MMP27: variants seen among roughly 807,000 people sequenced by gnomAD.
The protein encoded by MMP27 is matrix metallopeptidase 27.
A neutral mutation model predicts 48.1 loss-of-function variants in MMP27; 51 were observed. The observed-to-expected ratio is 1.06, with a 90% confidence interval of 0.85 to 1.34. The LOEUF (loss-of-function observed/expected upper bound fraction) is 1.34. MMP27 is among the 40% of genes most tolerant of loss of function. MMP27 has a pLI of 0.00. For synonymous variants in MMP27, 229 were observed against 208.9 expected (o/e 1.10, Z -0.83); for missense variants, 698 against 619.3 (o/e 1.13, Z -1.35).
chr11:102,693,534 G>T (rs1159049523), intron 8 of MMP27, among the ~76,000 whole-genome samples: 1 of 152,126 alleles, frequency 6.6e-6, no homozygotes, highest in Non-Finnish European at 1.5e-5. Flanking sequence ...TGTAATCCCA[G>T]CACTTTGAGA....
intron 4 of MMP27, among the ~76,000 whole-genome samples, chr11:102,702,031 A>T (rs1860949837): frequency 6.6e-6 from 1 of 152,226 alleles, no homozygotes; most frequent in Non-Finnish European, 1.5e-5. Flanking sequence ...AAATCTATTG[A>T]GCTTGCTCTT....
intron 4 of MMP27, among the ~76,000 whole-genome samples, chr11:102,702,183 T>C (rs1860952080): frequency 6.6e-6 from 1 of 152,222 alleles, no homozygotes; most frequent in South Asian, 2.1e-4. Flanking sequence ...ATAAGTCAAA[T>C]ATAAGGATTA....
chr11:102,691,790 C>A lies in MMP27; in HGVS notation c.1518G>T (p.Leu506=). 1 of 1,597,886 alleles carries A rather than the reference C, an allele frequency of 6.3e-7. No individual in the cohort carries two copies. The highest frequency in any genetic ancestry group is 1.1e-5 in the South Asian group (1 of 88,418). ...TTTATTGATAAATAGAAGTGTTTTT[C>A]AGCAAATGAACAATACCAAAAATAA... is the stretch of plus-strand genomic sequence containing the variant. ...SLFIFGIVHL[L]KNTSIYQ The change falls in exon 10 of 10, where the codon CTG becomes CTT. Residue 506 remains leucine, a synonymous_variant. Coordinates refer to ENST00000260229, the MANE Select transcript of MMP27 (RefSeq NM_022122.3).
Position 102,693,045 on chromosome 11 carries a change from C to T in MMP27, c.1194-4G>A, listed in dbSNP as rs768487231. On this transcript the variant is annotated splice_region_variant and splice_polypyrimidine_tract_variant and intron_variant, in intron 8 of 9. Transcript: ENST00000260229. ...GGTTTGGGTCATTTCATCAAACCTG[C>T]ATACAAGAATATGAAAGGATACCAG... 8.1e-5 allele frequency: 130 copies of T among 1,607,548 alleles called. No homozygotes were observed. Among genetic ancestry groups the T allele is most frequent in the Admixed American group, 2.2e-4 (13 of 59,860 alleles).
At chr11:102,703,527 A>T (rs1860986202) in intron 2 of MMP27, among the ~76,000 whole-genome samples, 1 of 143,112 alleles carries the variant, frequency 7.0e-6, no homozygotes, top group Admixed American at 7.0e-5. Flanking sequence ...TATATTAAGA[A>T]CTTTTTTTTT....
Position 102,696,371 on chromosome 11 carries a change from C to T in MMP27, c.902G>A (p.Arg301Lys), listed in dbSNP as rs758437450. The change falls in exon 6 of 10, where the codon AGG (arginine) becomes AAG (lysine). Residue 301 changes from arginine to lysine, a missense_variant and splice_region_variant. Coordinates refer to ENST00000260229, the MANE Select transcript of MMP27 (RefSeq NM_022122.3). The part of the protein sequence containing the change: ...FRREVMFFKG[R>K]HLWRIYYDIT... ...GAGGTGTTTAGAGAAATGAGTTTAC[C>T]TGCCTTTAAAGAACATTACTTCTCT... 1.2e-6 allele frequency: 2 copies of T among 1,613,212 alleles called. No homozygotes were observed. The highest frequency in any genetic ancestry group is 2.2e-5 in the East Asian group (1 of 44,824).
rs3809019 is a variant in MMP27 at position 102,703,035 on chromosome 11, G to A, written c.425C>T (p.Thr142Ile). 3 of 1,614,046 alleles carry A rather than the reference G, an allele frequency of 1.9e-6. No individual in the cohort carries two copies. Among genetic ancestry groups the A allele is most frequent in the African/African-American group, 2.7e-5 (2 of 74,940 alleles). Reference sequence around the variant, plus strand: ...TGAAATCTTGGTGAATTTTAGTGGAGTGACTTTGCTCCACACTTCTAAACC... The same window carrying A: ...TGAAATCTTGGTGAATTTTAGTGGAATGACTTTGCTCCACACTTCTAAACC... The part of the protein sequence containing the change: ...QEGLEVWSKV[T>I]PLKFTKISKG... Residue 142 changes from threonine to isoleucine, a missense_variant, in exon 3 of 10, where the codon ACT becomes ATT. By Grantham distance (89) the Thr-to-Ile change is moderately conservative (BLOSUM62 -1). Transcript: ENST00000260229.
chr11:102,703,670 G>C (rs1168787392), intron 2 of MMP27, among the ~76,000 whole-genome samples: 2 of 151,940 alleles, frequency 1.3e-5, no homozygotes, highest in Admixed American at 6.6e-5. Context: ...CTACAGGCGC[G>C]TGCCACCAGG....
At chr11:102,704,813 G>A (rs1474730479) in intron 1 of MMP27, 38 bp from the exon 2 acceptor site, 23 of 1,340,198 alleles carry the variant, frequency 1.7e-5, no homozygotes, top group Non-Finnish European at 2.1e-5. Context: ...AAGAGGCACA[G>A]ACTACAGGAG....
chr11:102,703,598 C>T (rs984974810), intron 2 of MMP27, among the ~76,000 whole-genome samples: 1 of 152,200 alleles, frequency 6.6e-6, no homozygotes, highest in Middle Eastern at 3.4e-3. Context: ...CCTCGGCTCA[C>T]TGCAACCTCT....
At chr11:102,692,124 G>T in intron 9 of MMP27, 114 bp from the exon 10 acceptor site, 2 of 977,458 alleles carry the variant, frequency 2.0e-6, no homozygotes, top group Non-Finnish European at 1.4e-6. Context: ...GAAATTTGTG[G>T]AATCACATAC....
intron 9 of MMP27, 126 bp from the exon 10 acceptor site, chr11:102,692,136 T>C (rs1860737708): frequency 1.2e-6 from 1 of 846,214 alleles, no homozygotes; most frequent in East Asian, 2.9e-5. Flanking sequence ...ATCACATACA[T>C]ACATTTTAGT....
Position 102,704,603 on chromosome 11 carries a change from C to G in MMP27, c.275G>C (p.Gly92Ala), listed in dbSNP as rs751597540. 6.8e-6 allele frequency: 11 copies of G among 1,614,052 alleles called. No homozygotes were observed. The highest frequency in any genetic ancestry group is 2.2e-5 in the East Asian group (1 of 44,884). ...GCCATACTGGCCCACATCAGGCACC[C>G]CACACCTGGGTGTCTTCATGATCTC... ...TLEIMKTPRC[G>A]VPDVGQYGYT... is the part of the protein sequence containing the mutation. Residue 92 changes from glycine to alanine, a missense_variant, in exon 2 of 10, where the codon GGG becomes GCG. Coordinates refer to ENST00000260229, the MANE Select transcript of MMP27 (RefSeq NM_022122.3).
chr11:102,694,433 G>A (rs1860785395), intron 7 of MMP27, among the ~76,000 whole-genome samples: 1 of 152,134 alleles, frequency 6.6e-6, no homozygotes, highest in Admixed American at 6.5e-5. Context: ...AATGAAGTAT[G>A]TTTGGACATG....
In MMP27 at chr11:102,702,732, C is replaced by G. The variant is rs773986925; in HGVS notation, c.619+21G>C. On this transcript the variant is annotated intron_variant, in intron 4 of 9. Coordinates refer to ENST00000260229, the MANE Select transcript of MMP27 (RefSeq NM_022122.3). ...TTCTTTAGAATAATAAGATTTTGTT[C>G]ATAAAGAAAATTAGACTCACCTGCT... is the stretch of plus-strand genomic sequence containing the variant. 3.2e-6 allele frequency: 5 copies of G among 1,578,070 alleles called. No homozygotes were observed. The African/African-American group carries it at 6.9e-5, about 22-fold the overall frequency.
In MMP27 at chr11:102,691,579, T is replaced by A; in HGVS notation, c.*187A>T. On this transcript the variant is annotated 3_prime_UTR_variant, in exon 10 of 10. Transcript: ENST00000260229. ...CACAAAGCATGAAATAGGCTTAAAG[T>A]ACAGTCAGAGATTTTTGTTTCTACA... 2.0e-6 allele frequency: 1 copy of A among 501,954 alleles called. No individual in the cohort carries two copies. The allele number at this position is 501,954 out of a possible 1,614,324, so 31.1% of individuals were successfully genotyped here.
intron 8 of MMP27, 121 bp downstream of exon 8, chr11:102,693,785 A>C (rs993648720): frequency 3.9e-5 from 32 of 821,198 alleles, no homozygotes; most frequent in Admixed American, 1.7e-4. Context: ...ACTCCATCTC[A>C]AAAAAAATAA....
At position 102,695,067 on chromosome 11, in the gene MMP27, C is replaced by A. The variant is rs775697885; in HGVS notation, c.933G>T (p.Thr311=). The part of the protein sequence containing the change: ...RHLWRIYYDI[T]DVEFELIASF... ...AAGCAATTAATTCAAACTCAACATC[C>A]GTGATATCATAATAGATCCTCCATA... The change falls in exon 7 of 10, where the codon ACG becomes ACT. Residue 311 remains threonine (T), a synonymous_variant. Transcript: ENST00000260229. 9.3e-6 allele frequency: 15 copies of A among 1,613,868 alleles called. No individual in the cohort carries two copies. Among genetic ancestry groups the A allele is most frequent in the Non-Finnish European group, 1.2e-5 (14 of 1,179,920 alleles).
At chr11:102,697,972 G>A (rs1391509273) in intron 4 of MMP27, among the ~76,000 whole-genome samples, 1 of 152,160 alleles carries the variant, frequency 6.6e-6, no homozygotes, top group African/African-American at 2.4e-5. Flanking sequence ...GGCAATAACA[G>A]GCATGGAGCT....
Sources: allele counts gnomAD v4.1 joint callset (sites outside exome capture counted in the v4.1 genomes callset), GRCh38; gene constraint gnomAD v4.1.1; transcripts MANE v1.5; gene names NCBI Gene and HGNC (gene_info 2026-07-23, HGNC 2026-07-21).